The following ZNF441 variants were observed in gnomAD, a reference collection of about 807,000 sequenced individuals.
ZNF441 encodes the protein zinc finger protein 441.
In ZNF441, 25 loss-of-function variants were observed where a neutral mutation model predicts 64.5. The ratio of observed to expected loss-of-function variants is 0.39; its 90% CI spans 0.28 to 0.54. ZNF441 has a LOEUF of 0.54. Ranked by LOEUF, ZNF441 falls within the 20% of genes least tolerant of loss-of-function variation. The pLI, the probability that ZNF441 is intolerant of heterozygous loss-of-function variation, is 0.70. For synonymous variants in ZNF441, 262 were observed against 268.0 expected, an observed-to-expected ratio of 0.98 and a Z score of 0.22; for missense variants, 715 against 843.3, an observed-to-expected ratio of 0.85 and a Z score of 1.88.
At chr19:11,779,098 A>G (rs545029035) in intron 3 of ZNF441, among the ~76,000 whole-genome samples, 16 of 152,272 alleles carry the variant, frequency 1.1e-4, no homozygotes, top group South Asian at 8.3e-4. Context: ...AGGCAGGAAG[A>G]CTGCTTGAGC....
At chr19:11,778,759 A>C (rs1975373697) in intron 3 of ZNF441, among the ~76,000 whole-genome samples, 1 of 152,220 alleles carries the variant, frequency 6.6e-6, no homozygotes, top group South Asian at 2.1e-4. Flanking sequence ...TGACCAGCCC[A>C]AAATTTTAAA....
In ZNF441 at chr19:11,782,000, A is replaced by G; in HGVS notation, c.*94A>G. On this transcript the variant is annotated 3_prime_UTR_variant, in exon 4 of 4. Transcript: ENST00000357901. Reference sequence around the variant, plus strand: ...AGAGACTCACACTGAAAAAAGTTGTATGAATATAAAAATGTACTAAAACCT... The same window carrying G: ...AGAGACTCACACTGAAAAAAGTTGTGTGAATATAAAAATGTACTAAAACCT... 1.9e-6 allele frequency: 2 copies of G among 1,078,360 alleles called. No individual in the cohort carries two copies. Among genetic ancestry groups the G allele is most frequent in the East Asian group, 2.6e-5 (1 of 39,204 alleles). 66.8% of individuals were successfully genotyped at this position (1,078,360 alleles called of 1,614,324 possible). A position where few individuals can be genotyped will look rare whatever the true frequency, so the allele number is the denominator to read the frequency against.
chr19:11,769,433 C>T (rs1975295987), intron 1 of ZNF441, among the ~76,000 whole-genome samples: 1 of 152,090 alleles, frequency 6.6e-6, no homozygotes, highest in South Asian at 2.1e-4. Context: ...CCAGAATTTG[C>T]CATTTTTCAT....
At chr19:11,771,852 GAGAAGACT>G (rs1975316546) in intron 1 of ZNF441, among the ~76,000 whole-genome samples, 1 of 152,214 alleles carries the variant, frequency 6.6e-6, no homozygotes, top group Admixed American at 6.5e-5. Flanking sequence ...GGGGAGTTTA[GAGAAGACT>G]GCTCCTCCAC....
rs1429417510 is a variant in ZNF441, at chr19:11,780,461, A to G, written c.637A>G (p.Met213Val). 1 of 1,614,210 alleles carries G rather than the reference A, an allele frequency of 6.2e-7. No individual in the cohort carries two copies. The highest frequency in any genetic ancestry group is 1.1e-5 in the South Asian group (1 of 91,082). The change falls in exon 4 of 4, where the codon ATG (methionine) becomes GTG (valine). Residue 213 changes from methionine (M) to valine (V), a missense_variant. Physicochemically the swap from Met to Val is conservative, Grantham distance 21 (BLOSUM62 1). Coordinates refer to ENST00000357901, the MANE Select transcript of ZNF441 (RefSeq NM_152355.3). ...NAFIWPSLFH[M>V]LRRTHTEEKP... ...CTTTATTTGGCCTAGTTTATTTCAT[A>G]TGCTTAGAAGAACTCACACTGAAGA... is the stretch of plus-strand genomic sequence containing the variant.
In ZNF441 at chr19:11,781,502, G is replaced by T. The variant is rs775307995; in HGVS notation, c.1678G>T (p.Gly560Cys). The T allele has an allele frequency of 8.7e-6, 14 of 1,614,006 alleles. No homozygotes were observed. Among genetic ancestry groups the T allele is most frequent in the Non-Finnish European group, 1.0e-5 (12 of 1,179,990 alleles). ...ERTHTGEKPY[G>C]CQQCGKALSD... ...GACTCACACTGGAGAGAAACCCTAT[G>T]GTTGTCAGCAATGTGGGAAAGCATT... The change falls in exon 4 of 4, where the codon GGT becomes TGT. Residue 560 changes from glycine to cysteine, a missense_variant. By Grantham distance (159) the Gly-to-Cys change is radical. Transcript: ENST00000357901.
At chr19:11,768,717 T>C (rs1975290150) in intron 1 of ZNF441, among the ~76,000 whole-genome samples, 1 of 152,246 alleles carries the variant, frequency 6.6e-6, no homozygotes, top group Non-Finnish European at 1.5e-5. Flanking sequence ...GGGAGGAGTC[T>C]CCTGGTATAC....
chr19:11,774,593 C>T lies in ZNF441; in HGVS notation c.4-3018C>T, dbSNP rs116893436. ...TTTTAGATGTTGTGCTTTGCAGTTG[C>T]ATAAATTAAATATGGTCCAATTTCT... On this transcript the variant is annotated intron_variant, in intron 1 of 3. Transcript: ENST00000357901. Among the ~76,000 whole-genome samples the T allele has an allele frequency of 7.1e-3, 1,083 of 152,260 alleles. 9 individuals are homozygous for T. The highest frequency in any genetic ancestry group is 0.012 in the Non-Finnish European group (797 of 68,030).
chr19:11,772,825 A>G (rs1160221152), intron 1 of ZNF441, among the ~76,000 whole-genome samples: 1 of 152,166 alleles, frequency 6.6e-6, no homozygotes, highest in Non-Finnish European at 1.5e-5. Context: ...CCCAGGAAGT[A>G]GAAGTTGCAG....
rs1163253394 is a variant in ZNF441 at position 11,780,435 on chromosome 19, C to G, written c.611C>G (p.Ala204Gly). Residue 204 changes from alanine to glycine, a missense_variant, in exon 4 of 4, where the codon GCC (alanine) becomes GGC (glycine). Ala to Gly is a moderately conservative substitution (Grantham distance 60). This residue lies in a region of ZNF441 where 399 missense variants were observed against 413.9 expected (regional missense o/e 0.96). Transcript: ENST00000357901. ...GPRICKLCGN[A>G]FIWPSLFHML... ...CGTATATGTAAGTTGTGTGGAAACG[C>G]CTTTATTTGGCCTAGTTTATTTCAT... 6 of 1,614,118 alleles carry G rather than the reference C, an allele frequency of 3.7e-6. No homozygotes were observed. The Admixed American group carries it at 5.0e-5, about 13-fold the overall frequency.
intron 1 of ZNF441, among the ~76,000 whole-genome samples, chr19:11,772,715 C>T (rs985718055): frequency 4.6e-5 from 7 of 152,072 alleles, no homozygotes; most frequent in Admixed American, 3.9e-4. Flanking sequence ...CTACAGAAAA[C>T]ACAAAAAATT....
chr19:11,772,994 T>C (rs1975326872), intron 1 of ZNF441, among the ~76,000 whole-genome samples: 1 of 152,170 alleles, frequency 6.6e-6, no homozygotes, highest in African/African-American at 2.4e-5. Context: ...GGTTTCACCT[T>C]GTTAACGAGG....
At chr19:11,775,455 G>A (rs1051738639) in intron 1 of ZNF441, among the ~76,000 whole-genome samples, 2 of 151,450 alleles carry the variant, frequency 1.3e-5, no homozygotes, top group East Asian at 1.9e-4. Flanking sequence ...TCAGCCTCCC[G>A]AGTACCTGGG....
intron 3 of ZNF441, 106 bp downstream of exon 3, chr19:11,778,499 C>T (rs993318807): frequency 1.1e-6 from 1 of 907,804 alleles, no homozygotes; most frequent in Admixed American, 2.6e-5. Flanking sequence ...CACTTTGTTG[C>T]TCAGGCTGGA....
Position 11,781,091 on chromosome 19 carries a change from CAA to C in ZNF441, c.1268_1269del (p.Gln423LeufsTer15). ...HTGEKPYKCKQCGKAFICCTY... is the reference protein window; with the variant it reads ...HTGEKPYKCKXCGKAFICCTY... Reference sequence around the variant, plus strand: ...TGGAGAGAAGCCATATAAATGTAAACAATGTGGAAAAGCCTTCATTTGTTGCA... The same window carrying C: ...TGGAGAGAAGCCATATAAATGTAAACTGTGGAAAAGCCTTCATTTGTTGCA... On this transcript the variant is annotated frameshift_variant, in exon 4 of 4. Coordinates refer to ENST00000357901, the MANE Select transcript of ZNF441 (RefSeq NM_152355.3). LOFTEE classifies it high-confidence loss of function. 6.2e-7 allele frequency: 1 copy of C among 1,613,930 alleles called. No homozygotes were observed.
At position 11,780,612 on chromosome 19, in the gene ZNF441, G is replaced by T; in HGVS notation, c.788G>T (p.Cys263Phe). The change falls in exon 4 of 4, where the codon TGT becomes TTT. Residue 263 changes from cysteine (C) to phenylalanine (F), a missense_variant. Transcript: ENST00000357901. ...AAACAATGTGGGAAAGCCTTCAGTT[G>T]TTCCTGTTACACTCAACTATATGAA... ...QCKQCGKAFS[C>F]SCYTQLYERT... 1.9e-6 allele frequency: 3 copies of T among 1,613,910 alleles called. No homozygotes were observed. Among genetic ancestry groups the T allele is most frequent in the Non-Finnish European group, 2.5e-6 (3 of 1,179,982 alleles).
intron 1 of ZNF441, among the ~76,000 whole-genome samples, chr19:11,771,427 C>T (rs890114497): frequency 2.0e-5 from 3 of 151,982 alleles, no homozygotes; most frequent in African/African-American, 7.3e-5. Context: ...ACCCAGGCGC[C>T]GAGGCAAGAG....
rs1975418182 is a variant in ZNF441, at chr19:11,783,244, T to A, written c.*1338T>A. ...AATGCAAATTGAAACCACAATGAGA[T>A]ACTCTACTTAGAATTGTTCTTACTA... On this transcript the variant is annotated 3_prime_UTR_variant, in exon 4 of 4. Coordinates refer to ENST00000357901, the MANE Select transcript of ZNF441 (RefSeq NM_152355.3). The A allele has an allele frequency of 6.6e-6, 1 of 152,164 alleles. No homozygotes were observed. Among genetic ancestry groups the A allele is most frequent in the South Asian group, 2.1e-4 (1 of 4,830 alleles). 9.4% of individuals were successfully genotyped at this position (152,164 alleles called of 1,614,324 possible).
At chr19:11,768,798 G>T (rs1197592242) in intron 1 of ZNF441, among the ~76,000 whole-genome samples, 1 of 151,982 alleles carries the variant, frequency 6.6e-6, no homozygotes, top group Non-Finnish European at 1.5e-5. Context: ...GGGATATATG[G>T]CTGGTCAGCC....
Sources: gnomAD v4.1 joint callset for allele counts (sites outside exome capture counted in the v4.1 genomes callset) on GRCh38, gnomAD v4.1.1 for gene constraint, gnomAD v4.1.1 regional missense constraint, MANE v1.5 for transcripts, NCBI Gene and HGNC (gene_info 2026-07-23, HGNC 2026-07-21) for gene names.